TMEM132C: variants seen among roughly 807,000 people sequenced by gnomAD.
TMEM132C encodes the protein transmembrane protein 132C, also known as protein phosphatase 1, regulatory subunit 152.
A neutral mutation model predicts 61.4 loss-of-function variants in TMEM132C; 29 were observed. The ratio of observed to expected loss-of-function variants is 0.47; its 90% CI spans 0.35 to 0.64. The LOEUF (loss-of-function observed/expected upper bound fraction) is 0.64, where lower values mean the gene tolerates loss of function less well. TMEM132C is among the 30% of genes least tolerant of loss of function. The pLI, the probability that TMEM132C is intolerant of heterozygous loss-of-function variation, is 0.00. For missense variants in TMEM132C, 1,408 were observed against 1,476.9 expected (o/e 0.95, Z 0.76); for synonymous variants, 656 against 633.1 (o/e 1.04, Z -0.54).
chr12:128,576,846 A>G (rs1875120754), intron 3 of TMEM132C, among the ~76,000 whole-genome samples: 1 of 152,222 alleles, frequency 6.6e-6, no homozygotes, highest in Admixed American at 6.5e-5. Context: ...TTGCTGGCAG[A>G]AAGCTGTTCA....
At chr12:128,512,776 G>A (rs1872605481) in intron 2 of TMEM132C, among the ~76,000 whole-genome samples, 1 of 152,190 alleles carries the variant, frequency 6.6e-6, no homozygotes, top group Admixed American at 6.5e-5. Flanking sequence ...GAGAGAGCCT[G>A]TTCCCCACAC....
At position 128,326,608 on chromosome 12, in the gene TMEM132C, C is replaced by A. The variant is rs564075905; in HGVS notation, c.85+59121C>A. Among the ~76,000 whole-genome samples the A allele has an allele frequency of 6.6e-6, 1 of 152,252 alleles. No individual in the cohort carries two copies. The highest frequency in any genetic ancestry group is 2.4e-5 in the African/African-American group (1 of 41,548). On this transcript the variant is annotated intron_variant, in intron 1 of 8. Transcript: ENST00000435159. The surrounding 1 kb of genome is among the most constrained non-coding windows in gnomAD (Gnocchi z 5.6). ...AAAGAAAATGTGCTTGGAGACAGCTCCTGCAAAGCCCCAGGATTACAGCGT... is the reference window on the plus strand; with the variant it reads ...AAAGAAAATGTGCTTGGAGACAGCTACTGCAAAGCCCCAGGATTACAGCGT...
intron 2 of TMEM132C, among the ~76,000 whole-genome samples, chr12:128,493,654 C>G (rs1871832732): frequency 1.3e-5 from 2 of 152,114 alleles, no homozygotes; most frequent in South Asian, 4.1e-4. Flanking sequence ...CTCTGTTTGT[C>G]TGTTATTGGT....
At chr12:128,668,264 A>G (rs1398786536) in intron 4 of TMEM132C, among the ~76,000 whole-genome samples, 2 of 152,126 alleles carry the variant, frequency 1.3e-5, no homozygotes, top group Non-Finnish European at 2.9e-5. Context: ...AAAAGAAAAA[A>G]GAATAGGAAT....
chr12:128,573,209 C>G (rs1222907400), intron 3 of TMEM132C, among the ~76,000 whole-genome samples: 4 of 152,176 alleles, frequency 2.6e-5, no homozygotes, highest in Non-Finnish European at 5.9e-5. Context: ...ACCCAAATGT[C>G]TATCAATGAT....
chr12:128,590,675 C>T (rs974363135), intron 3 of TMEM132C, among the ~76,000 whole-genome samples: 2 of 152,128 alleles, frequency 1.3e-5, no homozygotes, highest in East Asian at 1.9e-4. Context: ...CATAAGGAGA[C>T]GCAGGAGGTT....
At chr12:128,366,714 A>C (rs1358692872) in intron 1 of TMEM132C, among the ~76,000 whole-genome samples, 3 of 152,138 alleles carry the variant, frequency 2.0e-5, no homozygotes, top group Non-Finnish European at 2.9e-5. Flanking sequence ...AGCCTCATCT[A>C]TGAAATTTGG....
rs566695003 is a variant in TMEM132C, at chr12:128,489,370, A to C, written c.975-54587A>C. 6.1e-3 allele frequency among the ~76,000 whole-genome samples: 782 copies of C among 128,534 alleles called. 7 individuals carry two copies. The highest frequency in any genetic ancestry group is 0.02 in the African/African-American group (749 of 38,160). 84.3% of individuals were successfully genotyped at this position (128,534 alleles called of 152,430 possible). On this transcript the variant is annotated intron_variant, in intron 2 of 8. Transcript: ENST00000435159. Reference sequence around the variant, plus strand: ...ATGGGGGAGAAAGGAGGCGAGAATAAAAGCTGGAAAAAAAAAAAACCATAG... The same window carrying C: ...ATGGGGGAGAAAGGAGGCGAGAATACAAGCTGGAAAAAAAAAAAACCATAG...
chr12:128,308,830 G>A (rs1222736437), intron 1 of TMEM132C, among the ~76,000 whole-genome samples: 1 of 152,180 alleles, frequency 6.6e-6, no homozygotes, highest in African/African-American at 2.4e-5. Context: ...CCCATCACCT[G>A]GTGCTGAGGC....
intron 4 of TMEM132C, among the ~76,000 whole-genome samples, chr12:128,653,096 T>C (rs367782608): frequency 1.3e-4 from 20 of 152,252 alleles, no homozygotes; most frequent in African/African-American, 3.9e-4. Flanking sequence ...ATCAGGCCAT[T>C]AAAAGGAAGG....
chr12:128,619,694 G>T (rs944779546), intron 4 of TMEM132C, among the ~76,000 whole-genome samples: 1 of 152,200 alleles, frequency 6.6e-6, no homozygotes, highest in African/African-American at 2.4e-5. Context: ...TGTTAGGCTT[G>T]GGGGATGGGG....
At chr12:128,683,128 C>T (rs565445754) in intron 5 of TMEM132C, among the ~76,000 whole-genome samples, 8 of 152,250 alleles carry the variant, frequency 5.3e-5, no homozygotes, top group Admixed American at 2.6e-4. Flanking sequence ...CTGATTAAGG[C>T]TGTCATCCTG....
At chr12:128,637,413 G>A (rs1954112623) in intron 4 of TMEM132C, among the ~76,000 whole-genome samples, 1 of 152,216 alleles carries the variant, frequency 6.6e-6, no homozygotes, top group South Asian at 2.1e-4. Context: ...GTAAGGAGCT[G>A]CCATGGGGCT....
Position 128,705,248 on chromosome 12 carries a change from C to T in TMEM132C, c.2280C>T (p.Ala760=), listed in dbSNP as rs1368819442. ...CTCCCAGGTGGCCCGTTGTGGTGGC[C>T]GAAGGGGAAGGCCAGGGCCCACTGA... is the stretch of plus-strand genomic sequence containing the variant. ...PRSPRWPVVV[A]EGEGQGPLIR... is the part of the protein sequence containing the mutation. Residue 760 remains alanine, a synonymous_variant, in exon 9 of 9, where the codon GCC becomes GCT. Coordinates refer to ENST00000435159, the MANE Select transcript of TMEM132C (RefSeq NM_001136103.3). 5.6e-5 allele frequency: 87 copies of T among 1,551,482 alleles called. No homozygotes were observed. The highest frequency in any genetic ancestry group is 7.0e-5 in the Non-Finnish European group (80 of 1,146,994).
chr12:128,684,421 G>A (rs974740227), intron 5 of TMEM132C, among the ~76,000 whole-genome samples: 22 of 152,328 alleles, frequency 1.4e-4, no homozygotes, highest in Admixed American at 7.2e-4. Flanking sequence ...TTGTGAGAAA[G>A]TATGACTTTC....
rs551203420 is a variant in TMEM132C, at chr12:128,651,160, C to T, written c.1306-18257C>T. 5.3e-5 allele frequency among the ~76,000 whole-genome samples: 8 copies of T among 152,330 alleles called. No homozygotes were observed. The South Asian group carries it at 1.4e-3, about 28-fold the overall frequency. On this transcript the variant is annotated intron_variant, in intron 4 of 8. Coordinates refer to ENST00000435159, the MANE Select transcript of TMEM132C (RefSeq NM_001136103.3). Reference sequence around the variant, plus strand: ...CCCACTTCACAGTTTTTTGGGGTAACAACTCCTGGATCTCCTGTTGCCCAA... The same window carrying T: ...CCCACTTCACAGTTTTTTGGGGTAATAACTCCTGGATCTCCTGTTGCCCAA...
chr12:128,447,595 A>G (rs1206396815), intron 2 of TMEM132C, among the ~76,000 whole-genome samples: 3 of 151,040 alleles, frequency 2.0e-5, no homozygotes, highest in Admixed American at 6.6e-5. Flanking sequence ...ACTATGATTA[A>G]TTTCAAATTG....
At chr12:128,677,411 G>T (rs557069969) in intron 5 of TMEM132C, among the ~76,000 whole-genome samples, 1 of 152,274 alleles carries the variant, frequency 6.6e-6, no homozygotes, top group Admixed American at 6.5e-5. Flanking sequence ...ATAAGAAAAT[G>T]CATGAGAATC....
At chr12:128,433,916 A>T (rs1277272756) in intron 2 of TMEM132C, among the ~76,000 whole-genome samples, 1 of 152,230 alleles carries the variant, frequency 6.6e-6, no homozygotes, top group Non-Finnish European at 1.5e-5. Flanking sequence ...GAACTAAGAG[A>T]AAATTCTGGC....
Sources: gnomAD v4.1 joint callset for allele counts (sites outside exome capture counted in the v4.1 genomes callset) on GRCh38, gnomAD v4.1.1 for gene constraint, Gnocchi (gnomAD v3.1) non-coding constraint, MANE v1.5 for transcripts, NCBI Gene and HGNC (gene_info 2026-07-23, HGNC 2026-07-21) for gene names.